Variants in CCDC91 observed in about 807,000 individuals in gnomAD.
The protein encoded by CCDC91 is coiled-coil domain-containing protein 91.
Under a neutral mutation model 63.2 loss-of-function variants are expected in CCDC91, and 48 were observed. The observed-to-expected ratio is 0.76, with a 90% CI of 0.60 to 0.97. CCDC91 has a LOEUF of 0.97. CCDC91 is among the 50% of genes least tolerant of loss of function. CCDC91 has a pLI of 0.00. For synonymous variants in CCDC91, 167 were observed against 165.8 expected, an observed-to-expected ratio of 1.01 and a Z score of -0.06; for missense variants, 500 against 494.6, an observed-to-expected ratio of 1.01 and a Z score of -0.10.
At chr12:28,387,055 A>T (rs1945648316) in intron 7 of CCDC91, among the ~76,000 whole-genome samples, 1 of 152,196 alleles carries the variant, frequency 6.6e-6, no homozygotes. Flanking sequence ...GAGATGTGAG[A>T]AACGTAAAGG....
chr12:28,281,280 T>G (rs959020112), intron 3 of CCDC91, among the ~76,000 whole-genome samples: 3 of 152,184 alleles, frequency 2.0e-5, no homozygotes, highest in African/African-American at 7.2e-5. Context: ...ATACATGTTA[T>G]AAATAGTTAG....
rs79158964 is a variant in CCDC91, at chr12:28,486,335, G to T, written c.1215+2170G>T. 2.3e-3 allele frequency among the ~76,000 whole-genome samples: 348 copies of T among 152,212 alleles called. 4 individuals are homozygous for T. The highest frequency in any genetic ancestry group is 7.9e-3 in the African/African-American group (330 of 41,552). On this transcript the variant is annotated intron_variant, in intron 12 of 12. Transcript: ENST00000536442. ...TTTCCTTCATTTTTAAAGCTGAATG[G>T]TATTTTGTTGTACATATATACCACA...
chr12:28,423,445 A>G (rs992210750), intron 8 of CCDC91, among the ~76,000 whole-genome samples: 17 of 152,160 alleles, frequency 1.1e-4, no homozygotes, highest in African/African-American at 3.6e-4. Context: ...ACATATATCA[A>G]TGTATGGATT....
intron 6 of CCDC91, among the ~76,000 whole-genome samples, chr12:28,343,196 TAA>T (rs1491270473): frequency 3.3e-3 from 98 of 29,658 alleles, no homozygotes; most frequent in South Asian, 5.3e-3. Flanking sequence ...ATATATTGTG[TAA>T]TATATATATA....
rs567113847 is a variant in CCDC91 at position 28,510,236 on chromosome 12, C to CGTGTGTGTGTGTGTGT, written c.1215+26071_1215+26072insGTGTGTGTGTGTGTGT. Among the ~76,000 whole-genome samples, 13 of 136,002 alleles carry CGTGTGTGTGTGTGTGT rather than the reference C, an allele frequency of 9.6e-5. 1 individual carries two copies. Among genetic ancestry groups the CGTGTGTGTGTGTGTGT allele is most frequent in the South Asian group, 2.1e-4 (1 of 4,684 alleles). The allele number at this position is 136,002 out of a possible 152,430, so 89.2% of individuals were successfully genotyped here. ...CTCCAGAGAGACAGAGTCAATAGGG[C>CGTGTGTGTGTGTGTGT]ATGTGTGTGTGTGTGTGTGTGTAGA... On this transcript the variant is annotated intron_variant, in intron 12 of 12. Transcript: ENST00000536442.
intron 1 of CCDC91, among the ~76,000 whole-genome samples, chr12:28,251,457 A>G (rs1234078605): frequency 6.6e-6 from 1 of 152,054 alleles, no homozygotes; most frequent in African/African-American, 2.4e-5. Flanking sequence ...TATGTCTTTT[A>G]TGGTTAGTTT....
intron 3 of CCDC91, among the ~76,000 whole-genome samples, chr12:28,293,109 T>C (rs572670888): frequency 2.0e-5 from 3 of 152,318 alleles, no homozygotes; most frequent in African/African-American, 7.2e-5. Context: ...TCAAAGATTA[T>C]TAATATACAT....
At chr12:28,532,722 T>C (rs1941843710) in intron 12 of CCDC91, among the ~76,000 whole-genome samples, 1 of 152,144 alleles carries the variant, frequency 6.6e-6, no homozygotes, top group African/African-American at 2.4e-5. Context: ...AGGAAGCTTA[T>C]GATAAAGTTT....
intron 1 of CCDC91, among the ~76,000 whole-genome samples, chr12:28,210,134 C>T (rs2135505429): frequency 6.6e-6 from 1 of 152,014 alleles, no homozygotes; most frequent in Non-Finnish European, 1.5e-5. Context: ...TCTTTATAAC[C>T]CTCTTTGCAT....
chr12:28,414,545 T>C (rs1947521541), intron 8 of CCDC91, among the ~76,000 whole-genome samples: 2 of 152,208 alleles, frequency 1.3e-5, no homozygotes, highest in African/African-American at 4.8e-5. Context: ...CTAGGTTTAA[T>C]TAAGATTAAG....
intron 12 of CCDC91, among the ~76,000 whole-genome samples, chr12:28,500,337 C>T (rs1007927688): frequency 7.2e-5 from 11 of 152,014 alleles, no homozygotes; most frequent in African/African-American, 2.4e-4. Flanking sequence ...TGCAGAAGCT[C>T]TTTAGTTTAA....
rs866615635 is a variant in CCDC91, at chr12:28,310,055, A to G, written c.576+2306A>G. 1.3e-3 allele frequency among the ~76,000 whole-genome samples: 200 copies of G among 152,164 alleles called. 1 individual carries two copies. The highest frequency in any genetic ancestry group is 4.7e-3 in the African/African-American group (196 of 41,558). On this transcript the variant is annotated intron_variant, in intron 6 of 12. Coordinates refer to ENST00000536442, the MANE Select transcript of CCDC91 (RefSeq NM_018318.5). Reference sequence around the variant, plus strand: ...ATGTTCAATGAATACTGTTGGATGAATTGAATAGATGAACTAATATCATGC... The same window carrying G: ...ATGTTCAATGAATACTGTTGGATGAGTTGAATAGATGAACTAATATCATGC...
intron 6 of CCDC91, among the ~76,000 whole-genome samples, chr12:28,313,473 C>T (rs1362213471): frequency 2.6e-5 from 4 of 151,962 alleles, no homozygotes; most frequent in East Asian, 3.9e-4. Context: ...AAATCTACTC[C>T]TCTACTTAGG....
rs144948680 is a variant in CCDC91, at chr12:28,489,896, A to G, written c.1215+5731A>G. Among the ~76,000 whole-genome samples, 575 of 152,030 alleles carry G rather than the reference A, an allele frequency of 3.8e-3. 6 individuals carry two copies. Among genetic ancestry groups the G allele is most frequent in the African/African-American group, 0.013 (541 of 41,542 alleles). ...TACTTGAATAAACCATTATTTCAATATAAGTTATTTAATATTTCATGGTCC... is the reference window on the plus strand; with the variant it reads ...TACTTGAATAAACCATTATTTCAATGTAAGTTATTTAATATTTCATGGTCC... On this transcript the variant is annotated intron_variant, in intron 12 of 12. Transcript: ENST00000536442.
intron 7 of CCDC91, among the ~76,000 whole-genome samples, chr12:28,385,975 T>G (rs1394124609): frequency 6.6e-6 from 1 of 152,224 alleles, no homozygotes; most frequent in African/African-American, 2.4e-5. Context: ...ACCTTTGTTT[T>G]CTATGAGTTT....
At chr12:28,290,467 T>G (rs746370270) in intron 3 of CCDC91, among the ~76,000 whole-genome samples, 1 of 152,204 alleles carries the variant, frequency 6.6e-6, no homozygotes, top group Non-Finnish European at 1.5e-5. Context: ...AGCTTGCCAC[T>G]CTGTGCCTTT....
chr12:28,275,815 A>G (rs1948172023), intron 3 of CCDC91, among the ~76,000 whole-genome samples: 1 of 152,208 alleles, frequency 6.6e-6, no homozygotes, highest in African/African-American at 2.4e-5. Flanking sequence ...GGCTGTTTCA[A>G]CATATGCAAA....
At chr12:28,195,453 C>T (rs1345308346) in intron 1 of CCDC91, among the ~76,000 whole-genome samples, 3 of 150,556 alleles carry the variant, frequency 2.0e-5, no homozygotes, top group Non-Finnish European at 4.4e-5. Context: ...ACTATCTTTT[C>T]TTCATTAAAT....
At chr12:28,357,386 C>A (rs1242499089) in intron 6 of CCDC91, among the ~76,000 whole-genome samples, 2 of 152,012 alleles carry the variant, frequency 1.3e-5, no homozygotes, top group African/African-American at 4.8e-5. Flanking sequence ...TTGAAAAGCA[C>A]CTTTGCATCA....
Sources: allele counts gnomAD v4.1 joint callset (sites outside exome capture counted in the v4.1 genomes callset), GRCh38; gene constraint gnomAD v4.1.1; transcripts MANE v1.5; gene names NCBI Gene and HGNC (gene_info 2026-07-23, HGNC 2026-07-21).